The following TSPAN3 variants were observed in gnomAD, a reference collection of about 807,000 sequenced individuals.
TSPAN3 encodes the protein tetraspanin 3, also known as tetraspanin-3.
Under a neutral mutation model 31.1 loss-of-function variants are expected in TSPAN3, and 9 were observed. The observed-to-expected ratio is 0.29, with a 90% CI of 0.17 to 0.50. The LOEUF is 0.50. Ranked by LOEUF, TSPAN3 falls within the 20% of genes least tolerant of loss-of-function variation. TSPAN3 has a pLI of 0.98. For synonymous variants in TSPAN3, 129 were observed against 114.3 expected (o/e 1.13, Z -0.82); for missense variants, 252 against 313.5 (o/e 0.80, Z 1.48).
intron 6 of TSPAN3, among the ~76,000 whole-genome samples, chr15:77,050,051 C>G (rs189534985): frequency 6.6e-6 from 1 of 152,302 alleles, no homozygotes; most frequent in East Asian, 1.9e-4. Context: ...AGGGCCAAGA[C>G]TGGAGACTCT....
rs558077374 is a variant in TSPAN3, at chr15:77,047,349, T to A, written c.670-422A>T. Reference sequence around the variant, plus strand: ...TTAAATTAATTTAAATGTAGACACATGTGGCTAGTGGCTACCATTCTGGAC... The same window carrying A: ...TTAAATTAATTTAAATGTAGACACAAGTGGCTAGTGGCTACCATTCTGGAC... On this transcript the variant is annotated intron_variant, in intron 6 of 6. Coordinates refer to ENST00000267970, the MANE Select transcript of TSPAN3 (RefSeq NM_005724.6). Among the ~76,000 whole-genome samples, 14 of 152,352 alleles carry A rather than the reference T, an allele frequency of 9.2e-5. No homozygotes were observed. The East Asian group carries it at 2.7e-3, about 29-fold the overall frequency.
chr15:77,058,614 G>A (rs1329649423), intron 1 of TSPAN3, among the ~76,000 whole-genome samples: 1 of 152,178 alleles, frequency 6.6e-6, no homozygotes, highest in Non-Finnish European at 1.5e-5. Context: ...TTGAGAGCAC[G>A]AATTGTACCC....
chr15:77,064,440 A>G (rs895103910), intron 1 of TSPAN3: 4 of 152,222 alleles, frequency 2.6e-5, no homozygotes, highest in African/African-American at 9.6e-5. Flanking sequence ...GAAAAAAAAA[A>G]TCAAACAAGC....
intron 1 of TSPAN3, among the ~76,000 whole-genome samples, chr15:77,070,585 G>C (rs577102787): frequency 1.2e-3 from 187 of 152,146 alleles, no homozygotes; most frequent in African/African-American, 4.0e-3. Context: ...GCGACTCCGG[G>C]GGGGGGAGAC....
chr15:77,054,117 G>A, intron 4 of TSPAN3, 61 bp downstream of exon 4: 3 of 1,185,344 alleles, frequency 2.5e-6, no homozygotes, highest in South Asian at 2.4e-5. Context: ...ATAGCAGTTA[G>A]TTTAATGTTG....
chr15:77,070,254 A>C (rs1051016995), intron 1 of TSPAN3, among the ~76,000 whole-genome samples: 1 of 152,212 alleles, frequency 6.6e-6, no homozygotes, highest in African/African-American at 2.4e-5. Context: ...TATTTAACCA[A>C]GAGTTATAAT....
intron 4 of TSPAN3, 47 bp from the exon 5 acceptor site, chr15:77,052,976 C>T (rs763529355): frequency 1.1e-5 from 18 of 1,566,278 alleles, no homozygotes; most frequent in Middle Eastern, 1.9e-4. Flanking sequence ...AACCAAATAC[C>T]TGAAGTTCCA....
intron 4 of TSPAN3, 38 bp downstream of exon 4, chr15:77,054,140 T>C (rs1214473808): frequency 3.5e-6 from 5 of 1,437,726 alleles, no homozygotes; most frequent in Middle Eastern, 1.7e-4. Context: ...CCAATCGTGA[T>C]TGGTCCTCAA....
rs2076741164 is a variant in TSPAN3, at chr15:77,052,862, T to C, written c.500A>G (p.Asn167Ser). 6.2e-7 allele frequency: 1 copy of C among 1,613,956 alleles called. No individual in the cohort carries two copies. ...GCAGCAGCTAAGAGGGACACTCTGG[T>C]TTTTGGTTTCTTTGAACCAATCTGT... is the stretch of plus-strand genomic sequence containing the variant. ...ENTDWFKETK[N>S]QSVPLSCCRE... Residue 167 changes from asparagine to serine, a missense_variant, in exon 5 of 7, where the codon AAC becomes AGC. Asn to Ser is a conservative substitution (Grantham distance 46, BLOSUM62 1). Coordinates refer to ENST00000267970, the MANE Select transcript of TSPAN3 (RefSeq NM_005724.6).
At chr15:77,054,027 C>G in intron 4 of TSPAN3, 151 bp downstream of exon 4, 1 of 555,482 alleles carries the variant, frequency 1.8e-6, no homozygotes, top group Non-Finnish European at 3.2e-6. Flanking sequence ...ATAAACTTTT[C>G]AAGGGTGAAG....
chr15:77,065,025 T>C (rs2076823298), intron 1 of TSPAN3: 1 of 152,228 alleles, frequency 6.6e-6, no homozygotes, highest in Admixed American at 6.5e-5. Context: ...GGTATAAACC[T>C]CTTAGTAATT....
At chr15:77,046,976 T>C (rs748879120) in intron 6 of TSPAN3, 49 bp from the exon 7 acceptor site, 3 of 1,424,302 alleles carry the variant, frequency 2.1e-6, no homozygotes, top group South Asian at 1.2e-5. Flanking sequence ...AACCCTCTCA[T>C]GGCAGGTGTG....
chr15:77,042,873 C>G lies in TSPAN3; in HGVS notation c.*3962G>C, dbSNP rs2076667721. 6.6e-6 allele frequency: 1 copy of G among 152,078 alleles called. No individual in the cohort carries two copies. Among genetic ancestry groups the G allele is most frequent in the Non-Finnish European group, 1.5e-5 (1 of 68,026 alleles). 9.4% of individuals were successfully genotyped at this position (152,078 alleles called of 1,614,324 possible). On this transcript the variant is annotated 3_prime_UTR_variant, in exon 7 of 7. Transcript: ENST00000267970. ...GTAACCATGCTATGGAGAAAGTGGA[C>G]ACACCTCGACTAGGTGTGCCAGGTA...
intron 4 of TSPAN3, 116 bp from the exon 5 acceptor site, chr15:77,053,045 T>A: frequency 9.7e-7 from 1 of 1,026,028 alleles, no homozygotes; most frequent in Non-Finnish European, 1.4e-6. Context: ...TACAACTTTC[T>A]ATAATGGAAA....
In TSPAN3 at chr15:77,048,305, T is replaced by C. The variant is rs1317595657; in HGVS notation, c.670-1378A>G. On this transcript the variant is annotated intron_variant, in intron 6 of 6. Transcript: ENST00000267970. Reference sequence around the variant, plus strand: ...AATTATGTTCTCAGGCAATGTTAAATTGAGCAATAAAAATGCTAAGCTCAG... The same window carrying C: ...AATTATGTTCTCAGGCAATGTTAAACTGAGCAATAAAAATGCTAAGCTCAG... 4.6e-5 allele frequency among the ~76,000 whole-genome samples: 7 copies of C among 152,258 alleles called. No individual in the cohort carries two copies. The South Asian group carries it at 1.0e-3, about 23-fold the overall frequency.
chr15:77,052,336 A>G, intron 6 of TSPAN3, 49 bp downstream of exon 6: 2 of 1,535,712 alleles, frequency 1.3e-6, no homozygotes, highest in Non-Finnish European at 1.8e-6. Context: ...AGGGCTGACA[A>G]CAGAGAACCA....
At chr15:77,063,967 G>C (rs1399916784) in intron 1 of TSPAN3, 1 of 152,186 alleles carries the variant, frequency 6.6e-6, no homozygotes, top group East Asian at 1.9e-4. Context: ...AGCCTGAGGT[G>C]CTTAAGCTTT....
intron 3 of TSPAN3, chr15:77,055,491 C>T (rs2076763078): frequency 4.2e-6 from 1 of 238,662 alleles, no homozygotes; most frequent in Admixed American, 5.2e-5. Context: ...TATGCCTCCC[C>T]TCATATAGGC....
intron 6 of TSPAN3, 145 bp from the exon 7 acceptor site, chr15:77,047,072 T>C (rs764435300): frequency 1.0e-5 from 6 of 591,830 alleles, no homozygotes; most frequent in Admixed American, 3.0e-5. Context: ...TAGAAGGAAT[T>C]TCTTATGAGT....
Sources: gnomAD v4.1 joint callset for allele counts (sites outside exome capture counted in the v4.1 genomes callset) on GRCh38, gnomAD v4.1.1 for gene constraint, MANE v1.5 for transcripts, NCBI Gene and HGNC (gene_info 2026-07-23, HGNC 2026-07-21) for gene names.